CNBD1: variants seen among roughly 807,000 people sequenced by gnomAD.
CNBD1 encodes cyclic nucleotide-binding domain-containing protein 1.
In CNBD1, 71 loss-of-function variants were observed where a neutral mutation model predicts 54.4. The observed-to-expected ratio is 1.30, with a 90% confidence interval of 1.08 to 1.59. The LOEUF is 1.59. Among genes scored for constraint, CNBD1 ranks in the 40% most tolerant of loss-of-function variants. The pLI is 0.00. For missense variants in CNBD1, 659 were observed against 518.0 expected (o/e 1.27, Z -2.64); for synonymous variants, 182 against 170.7 (o/e 1.07, Z -0.51).
At chr8:86,998,480 A>T (rs2082549214) in intron 4 of CNBD1, among the ~76,000 whole-genome samples, 1 of 152,172 alleles carries the variant, frequency 6.6e-6, no homozygotes, top group South Asian at 2.1e-4. Context: ...TGAGAGCTGA[A>T]GAAGAAGGCA....
chr8:86,879,765 G>A (rs1324978495), intron 1 of CNBD1, among the ~76,000 whole-genome samples: 15 of 151,994 alleles, frequency 9.9e-5, no homozygotes, highest in African/African-American at 1.4e-4. Context: ...CCAGCTGCTC[G>A]GGAGACTGAG....
rs148535512 is a variant in CNBD1 at position 87,132,193 on chromosome 8, C to T, written c.432-73800C>T. 8.6e-3 allele frequency among the ~76,000 whole-genome samples: 1,299 copies of T among 151,698 alleles called. 27 individuals are homozygous for T. The highest frequency in any genetic ancestry group is 0.03 in the African/African-American group (1,223 of 41,428). On this transcript the variant is annotated intron_variant, in intron 4 of 10. Coordinates refer to ENST00000518476, the MANE Select transcript of CNBD1 (RefSeq NM_173538.3). The stretch of plus-strand genomic sequence containing the variant: ...TTTGTTTCCATATTATACCTTGCTT[C>T]ATATGTTAAAAAAACTAACAATATA...
At chr8:87,096,294 C>A (rs147902281) in intron 4 of CNBD1, among the ~76,000 whole-genome samples, 13 of 151,190 alleles carry the variant, frequency 8.6e-5, no homozygotes, top group South Asian at 8.4e-4. Flanking sequence ...CGGCCTTCTC[C>A]CTATGTCATC....
intron 4 of CNBD1, among the ~76,000 whole-genome samples, chr8:86,961,683 T>G (rs1199148002): frequency 2.6e-5 from 4 of 152,240 alleles, no homozygotes; most frequent in Non-Finnish European, 5.9e-5. Context: ...CTGCTTTGTC[T>G]TCTCCCTCCA....
At chr8:86,987,406 G>T (rs1247216779) in intron 4 of CNBD1, among the ~76,000 whole-genome samples, 1 of 152,092 alleles carries the variant, frequency 6.6e-6, no homozygotes, top group East Asian at 1.9e-4. Flanking sequence ...GGGCCTTTTG[G>T]CAGTCTTTAG....
intron 6 of CNBD1, among the ~76,000 whole-genome samples, chr8:87,276,367 A>G (rs1808480088): frequency 6.6e-6 from 1 of 151,884 alleles, no homozygotes; most frequent in Non-Finnish European, 1.5e-5. Flanking sequence ...ATTACAAGCA[A>G]TAATTTATGT....
At chr8:87,002,910 A>G (rs912556127) in intron 4 of CNBD1, among the ~76,000 whole-genome samples, 1 of 152,108 alleles carries the variant, frequency 6.6e-6, no homozygotes, top group Non-Finnish European at 1.5e-5. Context: ...GGCATGTATT[A>G]TGTTTGTAAA....
intron 4 of CNBD1, among the ~76,000 whole-genome samples, chr8:87,019,744 G>A (rs912103798): frequency 4.6e-5 from 7 of 152,070 alleles, no homozygotes; most frequent in Non-Finnish European, 8.8e-5. Flanking sequence ...CGGATGTGGT[G>A]GCAGGCACCT....
intron 4 of CNBD1, among the ~76,000 whole-genome samples, chr8:87,095,935 G>A (rs1174244335): frequency 2.0e-5 from 3 of 152,208 alleles, no homozygotes; most frequent in Admixed American, 1.3e-4. Context: ...TGGGATTACA[G>A]GCATGAGCCA....
intron 6 of CNBD1, among the ~76,000 whole-genome samples, chr8:87,272,455 G>C (rs1181402475): frequency 6.6e-6 from 1 of 151,910 alleles, no homozygotes; most frequent in East Asian, 1.9e-4. Flanking sequence ...TTATTCAACT[G>C]AATCTTCTTT....
At chr8:87,207,510 T>C (rs1368254331) in intron 5 of CNBD1, among the ~76,000 whole-genome samples, 2 of 151,846 alleles carry the variant, frequency 1.3e-5, no homozygotes, top group Non-Finnish European at 2.9e-5. Flanking sequence ...TACAAGTGGG[T>C]CCAGAAGGAC....
intron 8 of CNBD1, among the ~76,000 whole-genome samples, chr8:87,288,107 C>A (rs531242009): frequency 5.0e-4 from 76 of 152,026 alleles, no homozygotes; most frequent in African/African-American, 1.7e-3. Flanking sequence ...CATCCCAGAA[C>A]CAGTTTGATA....
chr8:87,390,827 A>G, intron 2 of CNBD1, among the ~76,000 whole-genome samples: 1 of 152,176 alleles, frequency 6.6e-6, no homozygotes, highest in Non-Finnish European at 1.5e-5. Flanking sequence ...AATAGCAAAG[A>G]CTTGGAACCA....
At chr8:87,131,029 A>G (rs1244205638) in intron 4 of CNBD1, among the ~76,000 whole-genome samples, 4 of 152,008 alleles carry the variant, frequency 2.6e-5, no homozygotes, top group South Asian at 2.1e-4. Context: ...CCCGGTTTAC[A>G]TAATATGTAT....
chr8:87,118,305 ACT>A (rs1180967723), intron 4 of CNBD1, among the ~76,000 whole-genome samples: 2 of 103,898 alleles, frequency 1.9e-5, no homozygotes, highest in Admixed American at 2.6e-4. Context: ...ACAGAGCGAG[ACT>A]CTGTCTCAAA....
intron 3 of CNBD1, among the ~76,000 whole-genome samples, chr8:86,924,286 A>C (rs1044231520): frequency 1.3e-5 from 2 of 152,140 alleles, no homozygotes; most frequent in Non-Finnish European, 2.9e-5. Context: ...TTTTTTCATT[A>C]TTTCTCAACA....
intron 2 of CNBD1, among the ~76,000 whole-genome samples, chr8:87,396,202 C>T (rs1342722109): frequency 1.3e-5 from 2 of 151,870 alleles, no homozygotes; most frequent in East Asian, 1.9e-4. Context: ...TCATTCCTTC[C>T]TTAGGACCAT....
At chr8:86,968,823 A>C (rs538646499) in intron 4 of CNBD1, among the ~76,000 whole-genome samples, 44 of 152,300 alleles carry the variant, frequency 2.9e-4, no homozygotes, top group Non-Finnish European at 4.4e-5. Context: ...AGGGCAGAGG[A>C]AGCAATCAGA....
intron 5 of CNBD1, among the ~76,000 whole-genome samples, chr8:87,221,427 G>A (rs753422570): frequency 1.3e-5 from 2 of 151,984 alleles, no homozygotes; most frequent in Non-Finnish European, 2.9e-5. Context: ...AGTCCATCAA[G>A]TACTCCATGT....
Sources: allele counts gnomAD v4.1 joint callset (sites outside exome capture counted in the v4.1 genomes callset), GRCh38; gene constraint gnomAD v4.1.1; transcripts MANE v1.5; gene names NCBI Gene and HGNC (gene_info 2026-07-23, HGNC 2026-07-21).